YPEL1: variants seen among roughly 807,000 people sequenced by gnomAD.
The protein encoded by YPEL1 is yippee like 1.
A neutral mutation model predicts 17.3 loss-of-function variants in YPEL1; 7 were observed. The observed-to-expected ratio is 0.40, with a 90% CI of 0.23 to 0.76. YPEL1 has a LOEUF of 0.76. Ranked by LOEUF, YPEL1 falls within the 30% of genes least tolerant of loss-of-function variation. YPEL1 has a pLI of 0.35. For synonymous variants in YPEL1, 59 were observed against 59.6 expected (o/e 0.99, Z 0.05); for missense variants, 91 against 155.5 (o/e 0.59, Z 2.21).
chr22:21,731,533 AG>A (rs67321748), intron 1 of YPEL1, among the ~76,000 whole-genome samples: 3,681 of 81,694 alleles, frequency 0.045, 176 homozygotes, highest in African/African-American at 0.11. Context: ...GGGCAAGAGA[AG>A]GGGGGAAAAA....
chr22:21,732,438 T>C (rs1171667281), intron 1 of YPEL1, among the ~76,000 whole-genome samples: 1 of 152,226 alleles, frequency 6.6e-6, no homozygotes, highest in Non-Finnish European at 1.5e-5. Flanking sequence ...TGCTTCTTCA[T>C]ATTCAAAACA....
At chr22:21,717,127 AGGCCGG>A (rs2068231800) in intron 1 of YPEL1, among the ~76,000 whole-genome samples, 1 of 116,406 alleles carries the variant, frequency 8.6e-6, no homozygotes, top group African/African-American at 3.3e-5. Context: ...GCACTTTGGG[AGGCCGG>A]GGCTGGGGGG....
chr22:21,700,457 A>G lies in YPEL1; in HGVS notation c.*672T>C, dbSNP rs1347324931. ...CTCCCGAGTAGCTGGGATTAAAGGCATGCGCCACCATACCCAGCTTTTTTT... is the reference window on the plus strand; with the variant it reads ...CTCCCGAGTAGCTGGGATTAAAGGCGTGCGCCACCATACCCAGCTTTTTTT... On this transcript the variant is annotated 3_prime_UTR_variant, in exon 5 of 5. Transcript: ENST00000339468. 6.9e-6 allele frequency: 1 copy of G among 144,992 alleles called. No individual in the cohort carries two copies. Among genetic ancestry groups the G allele is most frequent in the East Asian group, 2.0e-4 (1 of 5,006 alleles). The allele number at this position is 144,992 out of a possible 1,614,324, so 9.0% of individuals were successfully genotyped here.
At chr22:21,717,953 T>C (rs910156561) in intron 1 of YPEL1, among the ~76,000 whole-genome samples, 1 of 143,256 alleles carries the variant, frequency 7.0e-6, no homozygotes, top group African/African-American at 2.5e-5. Context: ...AGTGAGACCC[T>C]GTCTCTACGC....
At chr22:21,712,385 A>AAAC (rs57334533) in intron 1 of YPEL1, among the ~76,000 whole-genome samples, 3 of 147,512 alleles carry the variant, frequency 2.0e-5, no homozygotes, top group African/African-American at 7.6e-5. Flanking sequence ...AAAAAAAAAA[A>AAAC]CAACTACAAC....
chr22:21,723,816 T>C lies in YPEL1; in HGVS notation c.-165+11799A>G, dbSNP rs148329860. Among the ~76,000 whole-genome samples, 7 of 151,726 alleles carry C rather than the reference T, an allele frequency of 4.6e-5. No individual in the cohort carries two copies. In the East Asian group the frequency reaches 7.8e-4, roughly 17 times the overall value. ...GAGTAGCTGGGTCTACAGGTGCACG[T>C]CATCACGCCCAGCTGATTTTTTGTA... On this transcript the variant is annotated intron_variant, in intron 1 of 4. Transcript: ENST00000339468.
At chr22:21,704,888 C>T (rs74625961) in intron 2 of YPEL1, among the ~76,000 whole-genome samples, 2,070 of 152,216 alleles carry the variant, frequency 0.014, 27 homozygotes, top group Non-Finnish European at 0.019. Flanking sequence ...CAGGTGGGAA[C>T]GCCTGCTCCA....
rs1303059808 is a variant in YPEL1, at chr22:21,735,677, G to A, written c.-227C>T. On this transcript the variant is annotated 5_prime_UTR_variant, in exon 1 of 5. Transcript: ENST00000339468. ...ATCCGGCCCGGGCCCCGGTCAGCGCGGGCTCGGCTCTCAGGCGTTCCCGGC... is the reference window on the plus strand; with the variant it reads ...ATCCGGCCCGGGCCCCGGTCAGCGCAGGCTCGGCTCTCAGGCGTTCCCGGC... 6.6e-6 allele frequency: 1 copy of A among 150,972 alleles called. No individual in the cohort carries two copies. Among genetic ancestry groups the A allele is most frequent in the African/African-American group, 2.4e-5 (1 of 41,196 alleles). The allele number at this position is 150,972 out of a possible 1,614,324, so 9.4% of individuals were successfully genotyped here. A position where few individuals can be genotyped will look rare whatever the true frequency, so the allele number is the denominator to read the frequency against.
intron 2 of YPEL1, among the ~76,000 whole-genome samples, chr22:21,709,996 G>A (rs1569060080): frequency 6.6e-6 from 1 of 152,146 alleles, no homozygotes. Flanking sequence ...CATTCCGACT[G>A]AGCATCAGCT....
At chr22:21,726,887 A>G (rs1427198491) in intron 1 of YPEL1, among the ~76,000 whole-genome samples, 1 of 152,188 alleles carries the variant, frequency 6.6e-6, no homozygotes, top group African/African-American at 2.4e-5. Flanking sequence ...TGGGATGCAG[A>G]GGACGCTACT....
chr22:21,728,260 AG>A (rs1453158886), intron 1 of YPEL1, among the ~76,000 whole-genome samples: 2 of 151,920 alleles, frequency 1.3e-5, no homozygotes, highest in East Asian at 3.9e-4. Context: ...CTCTCCATGG[AG>A]GAGGCCTCCC....
At chr22:21,731,350 A>G (rs575535228) in intron 1 of YPEL1, among the ~76,000 whole-genome samples, 1 of 152,064 alleles carries the variant, frequency 6.6e-6, no homozygotes, top group East Asian at 1.9e-4. Context: ...AAAAGAAAGA[A>G]AAGGGGAGGT....
intron 1 of YPEL1, among the ~76,000 whole-genome samples, chr22:21,711,946 G>C (rs1257426610): frequency 6.6e-6 from 1 of 152,148 alleles, no homozygotes; most frequent in African/African-American, 2.4e-5. Flanking sequence ...GGCTGAGGTG[G>C]GTGGACCACT....
rs1601624305 is a variant in YPEL1 at position 21,703,954 on chromosome 22, G to A, written c.118-72C>T. On this transcript the variant is annotated intron_variant, in intron 2 of 4. Transcript: ENST00000339468. The surrounding 1 kb of genome is among the most constrained non-coding windows in gnomAD (Gnocchi z 6.1). ...ACGAAGCGGTGCTGCCCAGAACCAG[G>A]GGAGTCCAGCCCCGCGGCTGTTAGC... is the stretch of plus-strand genomic sequence containing the variant. 4.6e-6 allele frequency: 7 copies of A among 1,530,478 alleles called. No individual in the cohort carries two copies. The highest frequency in any genetic ancestry group is 2.4e-5 in the East Asian group (1 of 40,906). The allele number at this position is 1,530,478 out of a possible 1,614,324, so 94.8% of individuals were successfully genotyped here.
At chr22:21,710,603 C>CA in intron 2 of YPEL1, 25 bp downstream of exon 2, 1 of 1,572,808 alleles carries the variant, frequency 6.4e-7, no homozygotes, top group Non-Finnish European at 8.8e-7. Context: ...ATTGTGCCAT[C>CA]AATTTTTTGG....
chr22:21,716,883 C>T (rs528136107), intron 1 of YPEL1, among the ~76,000 whole-genome samples: 23 of 152,190 alleles, frequency 1.5e-4, no homozygotes, highest in African/African-American at 4.3e-4. Context: ...CCTGTACTCA[C>T]GGAGGGAACC....
At chr22:21,718,921 T>C (rs1474684011) in intron 1 of YPEL1, among the ~76,000 whole-genome samples, 1 of 152,176 alleles carries the variant, frequency 6.6e-6, no homozygotes, top group Non-Finnish European at 1.5e-5. Context: ...AAACTCTTTT[T>C]CTTACTAGCT....
chr22:21,707,428 A>G (rs889412116), intron 2 of YPEL1, among the ~76,000 whole-genome samples: 4 of 152,184 alleles, frequency 2.6e-5, no homozygotes, highest in Admixed American at 6.5e-5. Flanking sequence ...AACAACAACA[A>G]CAGCAACAAC....
rs2068089321 is a variant in YPEL1 at position 21,703,800 on chromosome 22, G to C, written c.161+39C>G. The C allele has an allele frequency of 6.2e-7, 1 of 1,602,318 alleles. No homozygotes were observed. Among genetic ancestry groups the C allele is most frequent in the African/African-American group, 1.3e-5 (1 of 74,608 alleles). ...TAGGTGCCATCCAGGCCGTCCCAGG[G>C]CCCGTGCCGCTCCCCCCGGGCTGAA... On this transcript the variant is annotated intron_variant, in intron 3 of 4. Coordinates refer to ENST00000339468, the MANE Select transcript of YPEL1 (RefSeq NM_013313.5). The surrounding 1 kb of genome is among the most constrained non-coding windows in gnomAD (Gnocchi z 6.1).
Sources: allele counts gnomAD v4.1 joint callset (sites outside exome capture counted in the v4.1 genomes callset), GRCh38; gene constraint gnomAD v4.1.1; non-coding constraint Gnocchi (gnomAD v3.1); transcripts MANE v1.5; gene names NCBI Gene and HGNC (gene_info 2026-07-23, HGNC 2026-07-21).